The following BPIFB4 variants were observed in gnomAD, a reference collection of about 807,000 sequenced individuals.
BPIFB4 encodes BPI fold-containing family B member 4.
A neutral mutation model predicts 69.2 loss-of-function variants in BPIFB4; 62 were observed. The observed-to-expected ratio is 0.90, with a 90% CI of 0.73 to 1.11. BPIFB4 has a LOEUF of 1.11. Among genes scored for constraint, BPIFB4 ranks in the 50% least tolerant of loss-of-function variants. The probability of loss-of-function intolerance (pLI) is 0.00; values close to 1 mark genes in which losing one functional copy is unlikely to be tolerated. For missense variants in BPIFB4, 789 were observed against 792.0 expected, an observed-to-expected ratio of 1.00 and a Z score of 0.04; for synonymous variants, 330 against 332.7, an observed-to-expected ratio of 0.99 and a Z score of 0.09.
intron 9 of BPIFB4, 142 bp downstream of exon 9, chr20:33,089,700 C>G: frequency 4.1e-6 from 6 of 1,457,662 alleles, no homozygotes; most frequent in Non-Finnish European, 5.4e-6. Flanking sequence ...AAGGGAGGTG[C>G]CACCTGGCTT....
chr20:33,089,116 T>C, intron 8 of BPIFB4, 87 bp downstream of exon 8: 2 of 1,587,668 alleles, frequency 1.3e-6, no homozygotes, highest in Non-Finnish European at 1.7e-6. Context: ...CCTGGGGGCC[T>C]GCAGGTAACC....
At chr20:33,105,957 A>G (rs1456253886) in intron 16 of BPIFB4, among the ~76,000 whole-genome samples, 3 of 152,224 alleles carry the variant, frequency 2.0e-5, no homozygotes, top group Non-Finnish European at 2.9e-5. Flanking sequence ...GACAAGGTCC[A>G]TAGTCCCCAA....
At chr20:33,110,579 C>T (rs6120108) in intron 17 of BPIFB4, among the ~76,000 whole-genome samples, 16,659 of 152,154 alleles carry the variant, frequency 0.11, 3,028 homozygotes, top group African/African-American at 0.38. Context: ...TCAGTGTTCA[C>T]GGTTTTGTCT....
At position 33,083,844 on chromosome 20, in the gene BPIFB4, G is replaced by A; in HGVS notation, c.647G>A (p.Gly216Asp). The A allele has an allele frequency of 6.2e-7, 1 of 1,613,408 alleles. No homozygotes were observed. The highest frequency in any genetic ancestry group is 8.5e-7 in the Non-Finnish European group (1 of 1,179,896). Residue 216 changes from glycine to aspartate, a missense_variant, in exon 5 of 18, where the codon GGC becomes GAC. Coordinates refer to ENST00000375483, the MANE Select transcript of BPIFB4 (RefSeq NM_182519.3). ...GGVLGVLGEG[G>D]ILSTVQGITG... ...GTCCTGGGCGTGCTCGGCGAGGGTG[G>A]CATCCTCAGCACTGTGCAAGGCATC...
chr20:33,092,701 CAGCTG>C, intron 11 of BPIFB4, 43 bp downstream of exon 11: 1 of 1,543,432 alleles, frequency 6.5e-7, no homozygotes, highest in Admixed American at 1.7e-5. Context: ...GGGCAGCAGA[CAGCTG>C]CCAGTGACCC....
intron 7 of BPIFB4, among the ~76,000 whole-genome samples, chr20:33,087,599 A>G (rs1981467031): frequency 6.6e-6 from 1 of 152,164 alleles, no homozygotes; most frequent in African/African-American, 2.4e-5. Context: ...GTCACAATGA[A>G]TAACCTTTTA....
chr20:33,108,036 C>G (rs988075496), intron 17 of BPIFB4, among the ~76,000 whole-genome samples: 10 of 152,176 alleles, frequency 6.6e-5, no homozygotes, highest in Non-Finnish European at 1.2e-4. Context: ...TCATTTAGCC[C>G]TCACCACAGG....
chr20:33,099,619 C>A (rs1462579592), intron 13 of BPIFB4, among the ~76,000 whole-genome samples: 2 of 152,172 alleles, frequency 1.3e-5, no homozygotes, highest in East Asian at 3.9e-4. Flanking sequence ...TGCCTCCTGG[C>A]CTTTGCCCAT....
rs898496396 is a variant in BPIFB4, at chr20:33,104,722, C to T, written c.1681-88C>T. 47 of 1,275,470 alleles carry T rather than the reference C, an allele frequency of 3.7e-5. No homozygotes were observed. In the African/African-American group the frequency reaches 5.3e-4, roughly 14 times the overall value. The allele number at this position is 1,275,470 out of a possible 1,614,324, so 79.0% of individuals were successfully genotyped here. Reference sequence around the variant, plus strand: ...CTCTCCCAGAGCAGGTCTGTGTCTCCACCTTGAGCCAGGGGAGCAGACCCA... The same window carrying T: ...CTCTCCCAGAGCAGGTCTGTGTCTCTACCTTGAGCCAGGGGAGCAGACCCA... On this transcript the variant is annotated intron_variant, in intron 15 of 17. Coordinates refer to ENST00000375483, the MANE Select transcript of BPIFB4 (RefSeq NM_182519.3).
In BPIFB4 at chr20:33,082,963, T is replaced by C; in HGVS notation, c.132T>C (p.Ser44=). 1 of 1,612,902 alleles carries C rather than the reference T, an allele frequency of 6.2e-7. No individual in the cohort carries two copies. The highest frequency in any genetic ancestry group is 1.3e-5 in the African/African-American group (1 of 74,614). ...SNAISGMLQQ[S]DALHSALREV... is the part of the protein sequence containing the mutation. ...CCATTTCAGGCATGCTGCAGCAAAGTGATGCTCTCCACTCGGCCCTGAGAG... is the reference window on the plus strand; with the variant it reads ...CCATTTCAGGCATGCTGCAGCAAAGCGATGCTCTCCACTCGGCCCTGAGAG... The change falls in exon 4 of 18, where the codon AGT becomes AGC. Residue 44 remains serine, a synonymous_variant. Coordinates refer to ENST00000375483, the MANE Select transcript of BPIFB4 (RefSeq NM_182519.3).
Position 33,092,380 on chromosome 20 carries a change from AG to A in BPIFB4, c.1144-75del, listed in dbSNP as rs1981624185. Reference sequence around the variant, plus strand: ...AAAATGGCTGCCTGGAGGCAGATTCAGGGCCTCACTCCAGCCTTCAGTCCCC... The same window carrying A: ...AAAATGGCTGCCTGGAGGCAGATTCAGGCCTCACTCCAGCCTTCAGTCCCC... On this transcript the variant is annotated intron_variant, in intron 10 of 17. Coordinates refer to ENST00000375483, the MANE Select transcript of BPIFB4 (RefSeq NM_182519.3). 3.0e-6 allele frequency: 4 copies of A among 1,355,362 alleles called. No homozygotes were observed. In the African/African-American group the frequency reaches 4.3e-5, roughly 15 times the overall value. 84.0% of individuals were successfully genotyped at this position (1,355,362 alleles called of 1,614,324 possible). A position where few individuals can be genotyped will look rare whatever the true frequency, so the allele number is the denominator to read the frequency against.
At chr20:33,107,179 G>C (rs1212679195) in intron 16 of BPIFB4, among the ~76,000 whole-genome samples, 2 of 150,226 alleles carry the variant, frequency 1.3e-5, no homozygotes, top group Admixed American at 1.3e-4. Context: ...GCTCCAGCTG[G>C]GGCAACAGAG....
In BPIFB4 at chr20:33,086,017, C is replaced by T; in HGVS notation, c.783-4C>T. Reference sequence around the variant, plus strand: ...GGTCTCCCTGGCCCCTTGGCCTCCTCCAGTCTTATTGGCTTCCTGGACATC... The same window carrying T: ...GGTCTCCCTGGCCCCTTGGCCTCCTTCAGTCTTATTGGCTTCCTGGACATC... On this transcript the variant is annotated splice_region_variant and splice_polypyrimidine_tract_variant and intron_variant, in intron 6 of 17. Transcript: ENST00000375483. 4 of 1,605,088 alleles carry T rather than the reference C, an allele frequency of 2.5e-6. No individual in the cohort carries two copies. Among genetic ancestry groups the T allele is most frequent in the Non-Finnish European group, 3.4e-6 (4 of 1,172,662 alleles).
intron 17 of BPIFB4, among the ~76,000 whole-genome samples, chr20:33,108,423 C>CTATATATATATATGTCTATATATATA (rs1555787221): frequency 1.3e-4 from 16 of 125,720 alleles, no homozygotes; most frequent in African/African-American, 4.5e-4. Context: ...ATATATATGT[C>CTATATATATATATGTCTATATATATA]TATATATATA....
intron 16 of BPIFB4, among the ~76,000 whole-genome samples, chr20:33,105,334 T>C (rs1046519590): frequency 6.6e-6 from 1 of 152,242 alleles, no homozygotes; most frequent in Non-Finnish European, 1.5e-5. Context: ...TACATTCTTA[T>C]TGTGAAAAGT....
intron 3 of BPIFB4, among the ~76,000 whole-genome samples, chr20:33,082,443 C>A (rs1412445730): frequency 1.3e-5 from 2 of 152,308 alleles, no homozygotes; most frequent in East Asian, 3.9e-4. Flanking sequence ...AAGCGATTCT[C>A]CTGCCTCAGC....
chr20:33,086,254 G>A lies in BPIFB4; in HGVS notation c.926+90G>A. ...CATGACGTCACCCACCTGCCCATAGGCTCTGGGGTGGGCAGGACGATGATG... is the reference window on the plus strand; with the variant it reads ...CATGACGTCACCCACCTGCCCATAGACTCTGGGGTGGGCAGGACGATGATG... On this transcript the variant is annotated intron_variant, in intron 7 of 17. Coordinates refer to ENST00000375483, the MANE Select transcript of BPIFB4 (RefSeq NM_182519.3). 6 of 1,493,348 alleles carry A rather than the reference G, an allele frequency of 4.0e-6. No individual in the cohort carries two copies. The South Asian group carries it at 4.8e-5, about 12-fold the overall frequency. The allele number at this position is 1,493,348 out of a possible 1,614,324, so 92.5% of individuals were successfully genotyped here.
chr20:33,100,274 A>G, intron 13 of BPIFB4, 152 bp from the exon 14 acceptor site: 1 of 584,524 alleles, frequency 1.7e-6, no homozygotes, highest in South Asian at 2.4e-5. Context: ...CATGCTTATA[A>G]AAGGAGGTCT....
At chr20:33,085,019 G>A (rs376248989) in intron 6 of BPIFB4, 23 bp downstream of exon 6, 9 of 1,604,802 alleles carry the variant, frequency 5.6e-6, no homozygotes, top group African/African-American at 1.3e-5. Flanking sequence ...GGCCCTGGAG[G>A]GGTCCCCACC....
Sources: gnomAD v4.1 joint callset for allele counts (sites outside exome capture counted in the v4.1 genomes callset) on GRCh38, gnomAD v4.1.1 for gene constraint, MANE v1.5 for transcripts, NCBI Gene and HGNC (gene_info 2026-07-23, HGNC 2026-07-21) for gene names.